PPARGC1A: variants seen among roughly 807,000 people sequenced by gnomAD.
The protein encoded by PPARGC1A is peroxisome proliferator-activated receptor gamma coactivator 1-alpha.
In PPARGC1A, 25 loss-of-function variants were observed where a neutral mutation model predicts 88.7. That is an observed-to-expected ratio of 0.28 (90% confidence interval 0.21 to 0.39). The LOEUF (loss-of-function observed/expected upper bound fraction) is 0.39. Among genes scored for constraint, PPARGC1A ranks in the 10% least tolerant of loss-of-function variants. The pLI is 1.00. For missense variants in PPARGC1A, 880 were observed against 968.7 expected (o/e 0.91, Z 1.22); for synonymous variants, 363 against 355.6 (o/e 1.02, Z -0.24).
intron 2 of PPARGC1A, among the ~76,000 whole-genome samples, chr4:23,870,680 C>A (rs1713117549): frequency 6.6e-6 from 1 of 152,006 alleles, no homozygotes; most frequent in African/African-American, 2.4e-5. Flanking sequence ...AAAATGTGCT[C>A]CATCTGAGGG....
At chr4:24,400,028 AC>A in the PPARGC1A span, among the ~76,000 whole-genome samples, 101,857 of 151,600 alleles carry the variant, frequency 0.67, 34,681 homozygotes, top group Admixed American at 0.79. Flanking sequence ...CAAGTGATCC[AC>A]CCCGCCTCAG....
intron 2 of PPARGC1A, chr4:23,880,906 C>T (rs1459499867): frequency 1.3e-5 from 2 of 152,120 alleles, no homozygotes; most frequent in African/African-American, 4.8e-5. Flanking sequence ...ATCATTCTAA[C>T]GAACCCCAAG....
chr4:24,052,179 T>C, the PPARGC1A span, among the ~76,000 whole-genome samples: 2 of 152,168 alleles, frequency 1.3e-5, no homozygotes, highest in Non-Finnish European at 2.9e-5. Context: ...GGAAAATGTG[T>C]CAGTTTGAGC....
At chr4:24,000,313 C>A in the PPARGC1A span, among the ~76,000 whole-genome samples, 2 of 152,140 alleles carry the variant, frequency 1.3e-5, no homozygotes, top group Non-Finnish European at 2.9e-5. Context: ...GATGTTAACA[C>A]CTTCTGTTGC....
chr4:24,281,804 A>G, the PPARGC1A span, among the ~76,000 whole-genome samples: 1 of 151,566 alleles, frequency 6.6e-6, no homozygotes, highest in Non-Finnish European at 1.5e-5. Context: ...TCCATACCAC[A>G]TAATAATGGC....
At chr4:23,807,716 T>G (rs1454442517) in intron 10 of PPARGC1A, among the ~76,000 whole-genome samples, 1 of 152,032 alleles carries the variant, frequency 6.6e-6, no homozygotes, top group Non-Finnish European at 1.5e-5. Flanking sequence ...AAAATTTCCT[T>G]GTGTTGTGTT....
At chr4:24,055,501 G>T in the PPARGC1A span, among the ~76,000 whole-genome samples, 1 of 152,188 alleles carries the variant, frequency 6.6e-6, no homozygotes, top group African/African-American at 2.4e-5. Context: ...GACAAGAAAA[G>T]TGCTAAGCAT....
At chr4:24,414,610 C>T in the PPARGC1A span, among the ~76,000 whole-genome samples, 11 of 152,272 alleles carry the variant, frequency 7.2e-5, no homozygotes, top group East Asian at 2.1e-3. Flanking sequence ...GTCCTGACCC[C>T]AACCATAGAC....
chr4:23,818,251 G>A (rs999653462), intron 7 of PPARGC1A, among the ~76,000 whole-genome samples: 1 of 152,160 alleles, frequency 6.6e-6, no homozygotes, highest in Non-Finnish European at 1.5e-5. Flanking sequence ...GGTTTTGACA[G>A]ATTTATGTGA....
At chr4:24,211,341 T>C in the PPARGC1A span, among the ~76,000 whole-genome samples, 1 of 152,140 alleles carries the variant, frequency 6.6e-6, no homozygotes, top group Non-Finnish European at 1.5e-5. Flanking sequence ...GAGACTTCAA[T>C]ATAGAAGGTA....
At chr4:24,436,472 C>T in the PPARGC1A span, among the ~76,000 whole-genome samples, 4 of 150,826 alleles carry the variant, frequency 2.7e-5, no homozygotes, top group Non-Finnish European at 4.4e-5. Context: ...TAGCCCTGGT[C>T]ACACAGCTGA....
chr4:24,018,324 A>G, the PPARGC1A span, among the ~76,000 whole-genome samples: 1 of 152,124 alleles, frequency 6.6e-6, no homozygotes, highest in Non-Finnish European at 1.5e-5. Flanking sequence ...AACAGTCAGT[A>G]AAAGTGTTTA....
At chr4:24,454,728 A>G in the PPARGC1A span, among the ~76,000 whole-genome samples, 2 of 141,824 alleles carry the variant, frequency 1.4e-5, no homozygotes, top group African/African-American at 5.7e-5. Flanking sequence ...ATAGAAAGAG[A>G]CCTTGTCTCA....
chr4:23,893,179 GAA>G (rs11351780), upstream of PPARGC1A, among the ~76,000 whole-genome samples: 10 of 149,528 alleles, frequency 6.7e-5, no homozygotes, highest in South Asian at 8.4e-4. Flanking sequence ...CTAACAAAGA[GAA>G]AAAAAAAAAC....
intron 1 of PPARGC1A, among the ~76,000 whole-genome samples, chr4:23,885,865 A>C (rs954371629): frequency 6.6e-6 from 1 of 152,196 alleles, no homozygotes; most frequent in Admixed American, 6.5e-5. Context: ...TATCTCTACC[A>C]TGGCTGGGCT....
the PPARGC1A span, among the ~76,000 whole-genome samples, chr4:24,086,998 C>T: frequency 2.6e-5 from 4 of 152,140 alleles, no homozygotes; most frequent in East Asian, 1.9e-4. Flanking sequence ...AAGATCAACA[C>T]GTTCTTGACC....
the PPARGC1A span, among the ~76,000 whole-genome samples, chr4:24,010,830 A>AATTGTG: frequency 1.3e-5 from 2 of 152,166 alleles, no homozygotes; most frequent in Non-Finnish European, 2.9e-5. Context: ...AAATGCTGTA[A>AATTGTG]ATTGTGATTA....
the PPARGC1A span, among the ~76,000 whole-genome samples, chr4:24,258,005 C>T: frequency 4.7e-4 from 72 of 151,784 alleles, no homozygotes; most frequent in Middle Eastern, 3.4e-3. Flanking sequence ...GGGTGGCAGG[C>T]GGAGGTGGCT....
the PPARGC1A span, among the ~76,000 whole-genome samples, chr4:24,156,172 C>A: frequency 6.6e-6 from 1 of 152,094 alleles, no homozygotes; most frequent in South Asian, 2.1e-4. Flanking sequence ...AAATAAAACC[C>A]AGTTTCTTTA....
Sources: gnomAD v4.1 joint callset for allele counts (sites outside exome capture counted in the v4.1 genomes callset) on GRCh38, gnomAD v4.1.1 for gene constraint, MANE v1.5 for transcripts, NCBI Gene and HGNC (gene_info 2026-07-23, HGNC 2026-07-21) for gene names.